TAMM41: variants seen among roughly 807,000 people sequenced by gnomAD.
TAMM41 encodes TAM41 mitochondrial translocator assembly and maintenance homolog, also known as phosphatidate cytidylyltransferase, mitochondrial.
In TAMM41, 36 loss-of-function variants were observed where a neutral mutation model predicts 44.1. The ratio of observed to expected loss-of-function variants is 0.82; its 90% CI spans 0.63 to 1.08. The LOEUF (loss-of-function observed/expected upper bound fraction) is 1.08, where lower values mean the gene tolerates loss of function less well. Ranked by LOEUF, TAMM41 falls within the 50% of genes least tolerant of loss-of-function variation. The probability of loss-of-function intolerance (pLI) is 0.00; values close to 1 mark genes in which losing one functional copy is unlikely to be tolerated. For missense variants in TAMM41, 417 were observed against 404.3 expected (o/e 1.03, Z -0.27); for synonymous variants, 164 against 153.1 (o/e 1.07, Z -0.53).
the TAMM41 span, among the ~76,000 whole-genome samples, chr3:11,734,853 G>A: frequency 7.0e-6 from 1 of 142,344 alleles, no homozygotes; most frequent in Non-Finnish European, 1.5e-5. Context: ...GGCTAACACG[G>A]TGAAACCCCG....
At chr3:11,818,969 A>G (rs2078400344) in intron 4 of TAMM41, among the ~76,000 whole-genome samples, 1 of 152,008 alleles carries the variant, frequency 6.6e-6, no homozygotes, top group African/African-American at 2.4e-5. Flanking sequence ...CTGACTGTTC[A>G]GGTGAGTGAG....
At chr3:11,731,953 G>A in the TAMM41 span, among the ~76,000 whole-genome samples, 3 of 151,204 alleles carry the variant, frequency 2.0e-5, no homozygotes, top group African/African-American at 4.9e-5. Flanking sequence ...TGCAACCGCT[G>A]CCTCCTGGGT....
At chr3:11,761,009 A>G in the TAMM41 span, among the ~76,000 whole-genome samples, 2 of 148,242 alleles carry the variant, frequency 1.3e-5, no homozygotes, top group Non-Finnish European at 3.0e-5. Flanking sequence ...TACTAAAAAG[A>G]TACAAAAAAT....
At chr3:11,747,743 G>A in the TAMM41 span, among the ~76,000 whole-genome samples, 1 of 151,888 alleles carries the variant, frequency 6.6e-6, no homozygotes, top group African/African-American at 2.4e-5. Context: ...TCCAGCCTAG[G>A]TGACAGAATG....
chr3:11,731,117 T>C, the TAMM41 span, among the ~76,000 whole-genome samples: 2 of 152,190 alleles, frequency 1.3e-5, no homozygotes, highest in Non-Finnish European at 2.9e-5. Flanking sequence ...CTACTGCATG[T>C]AGTGCTGCTG....
At chr3:11,826,198 TAAC>T (rs2078740294) in intron 4 of TAMM41, among the ~76,000 whole-genome samples, 1 of 152,086 alleles carries the variant, frequency 6.6e-6, no homozygotes, top group Admixed American at 6.6e-5. Context: ...AAAATAATAA[TAAC>T]AGCAATCATT....
chr3:11,739,770 C>T, the TAMM41 span, among the ~76,000 whole-genome samples: 17 of 151,678 alleles, frequency 1.1e-4, no homozygotes, highest in Middle Eastern at 3.4e-3. Context: ...GCTCACTGCA[C>T]CAACTCTGGA....
At chr3:11,811,857 T>C (rs1028369166) in intron 5 of TAMM41, among the ~76,000 whole-genome samples, 2 of 152,214 alleles carry the variant, frequency 1.3e-5, no homozygotes, top group African/African-American at 4.8e-5. Flanking sequence ...GTGATGGCTG[T>C]GCAGCTCTGT....
chr3:11,726,800 C>CAAAAA, the TAMM41 span, among the ~76,000 whole-genome samples: 1 of 93,084 alleles, frequency 1.1e-5, no homozygotes, highest in African/African-American at 3.5e-5. Flanking sequence ...GACTCTGTCT[C>CAAAAA]AAAAAAAAAA....
At chr3:11,765,927 C>G in the TAMM41 span, among the ~76,000 whole-genome samples, 1 of 151,908 alleles carries the variant, frequency 6.6e-6, no homozygotes, top group African/African-American at 2.4e-5. Context: ...GTCTCGAACC[C>G]CTGGCCTCAT....
chr3:11,845,890 C>A (rs2079661800), intron 1 of TAMM41, among the ~76,000 whole-genome samples: 1 of 152,246 alleles, frequency 6.6e-6, no homozygotes, highest in East Asian at 1.9e-4. Flanking sequence ...GTTAAAAGTG[C>A]TGAGCGAGGG....
the TAMM41 span, among the ~76,000 whole-genome samples, chr3:11,783,059 G>C: frequency 6.6e-6 from 1 of 152,210 alleles, no homozygotes; most frequent in Admixed American, 6.5e-5. Context: ...GCAACCCCGA[G>C]GGTGCTGGAC....
chr3:11,764,460 A>AGG, the TAMM41 span, among the ~76,000 whole-genome samples: 1 of 148,150 alleles, frequency 6.7e-6, no homozygotes, highest in East Asian at 2.0e-4. Flanking sequence ...GTAACCAGCA[A>AGG]GGTCCCAATG....
At chr3:11,744,063 A>C in the TAMM41 span, among the ~76,000 whole-genome samples, 3 of 152,012 alleles carry the variant, frequency 2.0e-5, no homozygotes, top group South Asian at 2.1e-4. Flanking sequence ...TAACACTTAA[A>C]ATTTTTTATT....
At chr3:11,754,130 G>C in the TAMM41 span, among the ~76,000 whole-genome samples, 2 of 151,868 alleles carry the variant, frequency 1.3e-5, no homozygotes, top group African/African-American at 4.8e-5. Flanking sequence ...CCTGCTCCTC[G>C]GCTATGGACT....
chr3:11,824,257 C>T (rs1446949942), intron 4 of TAMM41, among the ~76,000 whole-genome samples: 3 of 151,916 alleles, frequency 2.0e-5, no homozygotes, highest in Non-Finnish European at 2.9e-5. Flanking sequence ...GTGGCATGAT[C>T]TCAGCTCACT....
intron 3 of TAMM41, among the ~76,000 whole-genome samples, chr3:11,833,460 C>G (rs1187113994): frequency 6.6e-6 from 1 of 152,156 alleles, no homozygotes; most frequent in Non-Finnish European, 1.5e-5. Context: ...TACTCAACCG[C>G]CCACCAGAAC....
chr3:11,781,696 C>T, the TAMM41 span, among the ~76,000 whole-genome samples: 7 of 151,348 alleles, frequency 4.6e-5, no homozygotes, highest in Admixed American at 2.0e-4. Context: ...GATCATACCA[C>T]TACACTCCAG....
chr3:11,814,799 A>G (rs1056980601), intron 5 of TAMM41, among the ~76,000 whole-genome samples: 1 of 152,120 alleles, frequency 6.6e-6, no homozygotes, highest in Non-Finnish European at 1.5e-5. Context: ...TGTTTCTACT[A>G]AAAACACAAA....
Sources: gnomAD v4.1 joint callset for allele counts (sites outside exome capture counted in the v4.1 genomes callset) on GRCh38, gnomAD v4.1.1 for gene constraint, MANE v1.5 for transcripts, NCBI Gene and HGNC (gene_info 2026-07-23, HGNC 2026-07-21) for gene names.